The following NUCB1 variants were observed in gnomAD, a reference collection of about 807,000 sequenced individuals.
NUCB1 encodes the protein nucleobindin-1.
NUCB1 carries 47 observed loss-of-function variants against 61.2 expected under a neutral mutation model. That is an observed-to-expected ratio of 0.77 (90% CI 0.61 to 0.98). The LOEUF (loss-of-function observed/expected upper bound fraction) is 0.98, where lower values mean the gene tolerates loss of function less well. Among genes scored for constraint, NUCB1 ranks in the 50% least tolerant of loss-of-function variants. The pLI, the probability that NUCB1 is intolerant of heterozygous loss-of-function variation, is 0.00. For missense variants in NUCB1, 583 were observed against 605.3 expected, an observed-to-expected ratio of 0.96 and a Z score of 0.39; for synonymous variants, 234 against 243.1, an observed-to-expected ratio of 0.96 and a Z score of 0.35.
In NUCB1 at chr19:48,913,488, G is replaced by C; in HGVS notation, c.681G>C (p.Gln227His). 6.2e-7 allele frequency: 1 copy of C among 1,614,210 alleles called. No individual in the cohort carries two copies. Among genetic ancestry groups the C allele is most frequent in the South Asian group, 1.1e-5 (1 of 91,088 alleles). ...CCCCTCCACAGGGCAGCCAAGCCCAGTTGAAGGAGGTGTGGGAGGAGCTGG... is the reference window on the plus strand; with the variant it reads ...CCCCTCCACAGGGCAGCCAAGCCCACTTGAAGGAGGTGTGGGAGGAGCTGG... ...PKVNVPGSQA[Q>H]LKEVWEELDG... Residue 227 changes from glutamine (Q) to histidine (H), a missense_variant, in exon 7 of 13, where the codon CAG becomes CAC. Transcript: ENST00000405315.
At chr19:48,902,408 CTTTTCCTTTTTCT>C (rs2037361264) in intron 2 of NUCB1, among the ~76,000 whole-genome samples, 2 of 117,026 alleles carry the variant, frequency 1.7e-5, no homozygotes, top group African/African-American at 1.0e-4. Context: ...CTCATTTTTT[CTTTTCCTTTTTCT>C]TTTTTTTTTT....
intron 8 of NUCB1, 122 bp from the exon 9 acceptor site, chr19:48,918,908 C>G (rs2037572495): frequency 2.2e-6 from 3 of 1,337,080 alleles, no homozygotes; most frequent in Non-Finnish European, 3.2e-6. Flanking sequence ...CCATCAGCCC[C>G]TGGGGCAAAA....
intron 5 of NUCB1, among the ~76,000 whole-genome samples, chr19:48,912,188 C>G (rs1026362603): frequency 2.0e-5 from 3 of 151,764 alleles, no homozygotes; most frequent in Admixed American, 6.6e-5. Context: ...CCGCACCAGG[C>G]TAATTTTAAA....
In NUCB1 at chr19:48,919,304, A is replaced by T; in HGVS notation, c.1002+18A>T. Reference sequence around the variant, plus strand: ...GCTGGGAGGTGAGAACATGGGGGATACTCGGGGTCCTGAACCTCTCTCTCT... The same window carrying T: ...GCTGGGAGGTGAGAACATGGGGGATTCTCGGGGTCCTGAACCTCTCTCTCT... On this transcript the variant is annotated intron_variant, in intron 10 of 12. Transcript: ENST00000405315. 3 of 1,587,142 alleles carry T rather than the reference A, an allele frequency of 1.9e-6. No homozygotes were observed. In the African/African-American group the frequency reaches 4.0e-5, roughly 21 times the overall value.
intron 4 of NUCB1, among the ~76,000 whole-genome samples, chr19:48,908,527 C>T (rs1008564363): frequency 1.3e-5 from 2 of 152,146 alleles, no homozygotes; most frequent in Non-Finnish European, 2.9e-5. Context: ...ACGTCCCTGG[C>T]ACAAATAATG....
intron 8 of NUCB1, 64 bp downstream of exon 8, chr19:48,918,848 G>A: frequency 2.0e-6 from 3 of 1,482,200 alleles, no homozygotes; most frequent in South Asian, 1.1e-5. Flanking sequence ...GTTTCCTCCT[G>A]CAGTCCCCTT....
chr19:48,911,354 T>C, intron 5 of NUCB1, 102 bp downstream of exon 5: 1 of 781,490 alleles, frequency 1.3e-6, no homozygotes, highest in Non-Finnish European at 2.2e-6. Flanking sequence ...TTCCTGCTGG[T>C]GTTCTCTGAG....
intron 5 of NUCB1, among the ~76,000 whole-genome samples, chr19:48,912,050 C>A (rs1175139125): frequency 1.4e-5 from 2 of 143,962 alleles, no homozygotes; most frequent in South Asian, 4.4e-4. Flanking sequence ...CCTGAGACAG[C>A]GTCTTGCTCT....
chr19:48,908,376 C>T (rs1010724010), intron 4 of NUCB1, among the ~76,000 whole-genome samples: 4 of 152,134 alleles, frequency 2.6e-5, no homozygotes, highest in South Asian at 2.1e-4. Flanking sequence ...GTGATCCACC[C>T]GCCTCAGCCT....
intron 5 of NUCB1, among the ~76,000 whole-genome samples, chr19:48,912,569 C>T (rs2037486293): frequency 6.6e-6 from 1 of 152,132 alleles, no homozygotes; most frequent in South Asian, 2.1e-4. Flanking sequence ...TGCGCGATGG[C>T]TCACGCCTAT....
At chr19:48,920,985 T>A (rs2037602633) in intron 10 of NUCB1, among the ~76,000 whole-genome samples, 169 bp from the exon 11 acceptor site, 1 of 152,154 alleles carries the variant, frequency 6.6e-6, no homozygotes, top group Non-Finnish European at 1.5e-5. Context: ...CCCGGCCTTG[T>A]CTCTCGGTCT....
rs376483598 is a variant in NUCB1, at chr19:48,908,065, T to G, written c.376+2180T>G. Among the ~76,000 whole-genome samples the G allele has an allele frequency of 1.9e-4, 29 of 152,292 alleles. 1 individual carries two copies. The South Asian group carries it at 3.3e-3, about 17-fold the overall frequency. ...TGTTATTTGTGTCCTTGGTATTCCT[T>G]TGTTCATCCCTTGGTCGCCTGTTCT... is the stretch of plus-strand genomic sequence containing the variant. On this transcript the variant is annotated intron_variant, in intron 4 of 12. Transcript: ENST00000405315.
chr19:48,915,744 AC>A (rs1600064245), intron 7 of NUCB1, among the ~76,000 whole-genome samples: 1 of 151,008 alleles, frequency 6.6e-6, no homozygotes, highest in East Asian at 1.9e-4. Context: ...CAAGCGATCC[AC>A]CTATCTTGGC....
chr19:48,912,912 C>T, intron 5 of NUCB1, 99 bp from the exon 6 acceptor site: 2 of 801,530 alleles, frequency 2.5e-6, no homozygotes, highest in Non-Finnish European at 3.8e-6. Flanking sequence ...GCTGGGGCTG[C>T]CCTCAGCCAG....
rs2037623327 is a variant in NUCB1, at chr19:48,922,507, C to T, written c.*83C>T. 8.4e-7 allele frequency: 1 copy of T among 1,196,814 alleles called. No homozygotes were observed. The highest frequency in any genetic ancestry group is 1.2e-6 in the Non-Finnish European group (1 of 815,736). The allele number at this position is 1,196,814 out of a possible 1,614,324, so 74.1% of individuals were successfully genotyped here. On this transcript the variant is annotated 3_prime_UTR_variant, in exon 13 of 13. Transcript: ENST00000405315. ...GGATGAAGTGGCACAGTCAGCTTCC[C>T]TGGGGGCTGGTGTCATGTTGGGCTC...
intron 10 of NUCB1, among the ~76,000 whole-genome samples, chr19:48,920,201 G>C (rs984743744): frequency 1.3e-5 from 2 of 151,520 alleles, no homozygotes; most frequent in East Asian, 1.9e-4. Flanking sequence ...TGGAGTGCAG[G>C]GGTGTTATCA....
chr19:48,919,013 C>T lies in NUCB1; in HGVS notation c.817-17C>T, dbSNP rs762548027. ...GGGGACCTCTCAATGCTGTCTGCCT[C>T]TCGCTTGCTCCTGCAGCTGGAGAAA... is the stretch of plus-strand genomic sequence containing the variant. On this transcript the variant is annotated splice_polypyrimidine_tract_variant and intron_variant, in intron 8 of 12. Transcript: ENST00000405315. 1 of 1,611,304 alleles carries T rather than the reference C, an allele frequency of 6.2e-7. No individual in the cohort carries two copies. Among genetic ancestry groups the T allele is most frequent in the Non-Finnish European group, 8.5e-7 (1 of 1,178,474 alleles).
chr19:48,903,208 A>G (rs2037370670), intron 2 of NUCB1, among the ~76,000 whole-genome samples: 1 of 152,084 alleles, frequency 6.6e-6, no homozygotes, highest in Non-Finnish European at 1.5e-5. Flanking sequence ...TATTTTATAA[A>G]TAGTAAGAGC....
At chr19:48,917,700 T>C (rs932573140) in intron 7 of NUCB1, among the ~76,000 whole-genome samples, 1 of 152,120 alleles carries the variant, frequency 6.6e-6, no homozygotes, top group Non-Finnish European at 1.5e-5. Flanking sequence ...TTTACTATGC[T>C]GGCCAGGCTG....
Sources: allele counts gnomAD v4.1 joint callset (sites outside exome capture counted in the v4.1 genomes callset), GRCh38; gene constraint gnomAD v4.1.1; transcripts MANE v1.5; gene names NCBI Gene and HGNC (gene_info 2026-07-23, HGNC 2026-07-21).